GABRB3: variants seen among roughly 807,000 people sequenced by gnomAD.
GABRB3 encodes the protein gamma-aminobutyric acid receptor subunit beta-3.
GABRB3 carries 14 observed loss-of-function variants against 52.1 expected under a neutral mutation model. The ratio of observed to expected loss-of-function variants is 0.27; its 90% CI spans 0.18 to 0.42. The LOEUF is 0.42. GABRB3 is among the 10% of genes least tolerant of loss of function. The pLI is 1.00. For missense variants in GABRB3, 307 were observed against 609.1 expected (o/e 0.50, Z 5.22); for synonymous variants, 260 against 232.3 (o/e 1.12, Z -1.08).
intron 3 of GABRB3, among the ~76,000 whole-genome samples, chr15:26,748,755 G>A (rs1032118583): frequency 4.6e-5 from 7 of 151,642 alleles, no homozygotes; most frequent in Non-Finnish European, 8.8e-5. Flanking sequence ...GCTGGGCACA[G>A]GGGCTCATGC....
intron 3 of GABRB3, among the ~76,000 whole-genome samples, chr15:26,652,835 A>C (rs1400616310): frequency 6.6e-6 from 1 of 152,234 alleles, no homozygotes; most frequent in Non-Finnish European, 1.5e-5. Context: ...AATACAGGAA[A>C]TTGAAAATGA....
chr15:26,603,232 T>C (rs1336280859), intron 4 of GABRB3, among the ~76,000 whole-genome samples: 1 of 151,900 alleles, frequency 6.6e-6, no homozygotes, highest in African/African-American at 2.4e-5. Context: ...ACCTAACAGA[T>C]GAATAACAGG....
intron 3 of GABRB3, among the ~76,000 whole-genome samples, chr15:26,718,874 A>G (rs1035276450): frequency 6.6e-6 from 1 of 152,186 alleles, no homozygotes; most frequent in African/African-American, 2.4e-5. Flanking sequence ...CAATGTGATC[A>G]GATCCGACCC....
chr15:26,672,525 A>G (rs1595522078), intron 3 of GABRB3, among the ~76,000 whole-genome samples: 1 of 152,228 alleles, frequency 6.6e-6, no homozygotes, highest in South Asian at 2.1e-4. Flanking sequence ...ACTTCTTTCC[A>G]TGATGCCCCT....
intron 6 of GABRB3, among the ~76,000 whole-genome samples, chr15:26,568,715 C>T (rs1190686211): frequency 2.1e-5 from 3 of 142,128 alleles, no homozygotes; most frequent in Non-Finnish European, 4.5e-5. Context: ...CAGGGTTTCA[C>T]CATATTGGCC....
At chr15:26,701,302 G>A (rs1456546113) in intron 3 of GABRB3, among the ~76,000 whole-genome samples, 1 of 152,170 alleles carries the variant, frequency 6.6e-6, no homozygotes, top group Non-Finnish European at 1.5e-5. Flanking sequence ...AGATTGGAAA[G>A]GATGGGGCAA....
chr15:26,613,627 G>C (rs1198674253), intron 4 of GABRB3: 2 of 151,892 alleles, frequency 1.3e-5, no homozygotes, highest in East Asian at 3.9e-4. Context: ...CACTACTCTA[G>C]AATTTGGGGA....
chr15:26,638,960 G>A (rs1893125686), intron 3 of GABRB3, among the ~76,000 whole-genome samples: 1 of 152,088 alleles, frequency 6.6e-6, no homozygotes, highest in Non-Finnish European at 1.5e-5. Flanking sequence ...TCTTCCACTC[G>A]CTTCTGGGAT....
intron 3 of GABRB3, among the ~76,000 whole-genome samples, chr15:26,699,042 TAA>T (rs1164726982): frequency 2.0e-5 from 3 of 152,144 alleles, no homozygotes; most frequent in East Asian, 1.9e-4. Context: ...GATTTTACAT[TAA>T]GTTAATGTTA....
intron 3 of GABRB3, among the ~76,000 whole-genome samples, chr15:26,676,503 T>C (rs1239837796): frequency 6.6e-6 from 1 of 152,210 alleles, no homozygotes; most frequent in Non-Finnish European, 1.5e-5. Flanking sequence ...TACACACATA[T>C]ACACACACAG....
intron 3 of GABRB3, among the ~76,000 whole-genome samples, chr15:26,664,700 C>CTTTTTTTTTTTTT (rs1471563872): frequency 1.1e-5 from 1 of 92,778 alleles, no homozygotes; most frequent in Non-Finnish European, 2.3e-5. Flanking sequence ...CTTTTCTTTT[C>CTTTTTTTTTTTTT]TTTGTTTTTT....
In GABRB3 at chr15:26,700,947, T is replaced by C. The variant is rs1888911065; in HGVS notation, c.240+71455A>G. ...GCGGGTGCCTGTAGTCCCAGCTACT[T>C]GGGAGGCTGAGGCAGGAGAATGGCG... On this transcript the variant is annotated intron_variant, in intron 3 of 8. Coordinates refer to ENST00000311550, the MANE Select transcript of GABRB3 (RefSeq NM_000814.6). Among the ~76,000 whole-genome samples the C allele has an allele frequency of 3.3e-5, 5 of 151,812 alleles. No individual in the cohort carries two copies. In the South Asian group the frequency reaches 1.0e-3, roughly 32 times the overall value.
At chr15:26,671,914 G>A (rs1171560560) in intron 3 of GABRB3, among the ~76,000 whole-genome samples, 1 of 152,008 alleles carries the variant, frequency 6.6e-6, no homozygotes, top group Non-Finnish European at 1.5e-5. Flanking sequence ...TTTGATCCCA[G>A]GGAAAAAGTT....
At chr15:26,615,912 A>T in intron 4 of GABRB3, 19 of 1,280,410 alleles carry the variant, frequency 1.5e-5, no homozygotes, top group Non-Finnish European at 1.9e-5. Flanking sequence ...TAGGAAAGCA[A>T]TCTCTGCTGG....
At chr15:26,732,169 AATGGATGGGTGGATGAATGTATAG>A (rs1566822566) in intron 3 of GABRB3, among the ~76,000 whole-genome samples, 1 of 146,952 alleles carries the variant, frequency 6.8e-6, no homozygotes, top group Non-Finnish European at 1.5e-5. Flanking sequence ...TGGATGGATC[AATGGATGGGTGGATGAATGTATAG>A]ATGGATGGGT....
chr15:26,601,592 A>G (rs967899441), intron 4 of GABRB3, among the ~76,000 whole-genome samples: 8 of 152,174 alleles, frequency 5.3e-5, no homozygotes, highest in African/African-American at 1.7e-4. Context: ...TGGATTAACT[A>G]TTCAAAAAAA....
chr15:26,584,420 C>T (rs1482932322), intron 4 of GABRB3, among the ~76,000 whole-genome samples: 1 of 152,034 alleles, frequency 6.6e-6, no homozygotes, highest in African/African-American at 2.4e-5. Flanking sequence ...TAAACCTCAC[C>T]TCTGCTTCTT....
intron 3 of GABRB3, among the ~76,000 whole-genome samples, chr15:26,679,435 G>A (rs779340761): frequency 2.0e-5 from 3 of 152,014 alleles, no homozygotes; most frequent in Non-Finnish European, 4.4e-5. Flanking sequence ...CTCTGATCCG[G>A]TCACACGCAT....
At chr15:26,606,789 T>TATCGATAGATATATCA (rs145598967) in intron 4 of GABRB3, among the ~76,000 whole-genome samples, 1 of 122,776 alleles carries the variant, frequency 8.1e-6, no homozygotes, top group South Asian at 2.6e-4. Context: ...TAGATATATC[T>TATCGATAGATATATCA]ATAGATAGAT....
Sources: allele counts gnomAD v4.1 joint callset (sites outside exome capture counted in the v4.1 genomes callset), GRCh38; gene constraint gnomAD v4.1.1; transcripts MANE v1.5; gene names NCBI Gene and HGNC (gene_info 2026-07-23, HGNC 2026-07-21).